NRF1: variants seen among roughly 807,000 people sequenced by gnomAD.
NRF1 encodes the protein nuclear respiratory factor 1.
A neutral mutation model predicts 58.5 loss-of-function variants in NRF1; 5 were observed. The observed-to-expected ratio is 0.09, with a 90% CI of 0.04 to 0.18. The LOEUF is 0.18. Ranked by LOEUF, NRF1 falls within the 10% of genes least tolerant of loss-of-function variation. The pLI, the probability that NRF1 is intolerant of heterozygous loss-of-function variation, is 1.00. For synonymous variants in NRF1, 224 were observed against 246.7 expected (o/e 0.91, Z 0.86); for missense variants, 288 against 657.7 (o/e 0.44, Z 6.15).
chr7:129,627,117 C>T (rs1014342493), intron 1 of NRF1, among the ~76,000 whole-genome samples: 1 of 152,222 alleles, frequency 6.6e-6, no homozygotes, highest in African/African-American at 2.4e-5. Flanking sequence ...TATTCTTCCA[C>T]GTAGGCTAAG....
intron 10 of NRF1, among the ~76,000 whole-genome samples, chr7:129,737,774 T>C (rs1803752191): frequency 6.6e-6 from 1 of 152,250 alleles, no homozygotes; most frequent in South Asian, 2.1e-4. Flanking sequence ...TATTAAATAG[T>C]CTTAGTGTAA....
chr7:129,728,468 C>CAAA lies in NRF1; in HGVS notation c.1348+1127_1348+1129dup, dbSNP rs60777041. ...TGGGTGACAGAATGAGACTCCGTCT[C>CAAA]AAAAAAAAAAAAAAAAAAAAAAAAA... is the stretch of plus-strand genomic sequence containing the variant. On this transcript the variant is annotated intron_variant, in intron 10 of 10. Transcript: ENST00000393232. Among the ~76,000 whole-genome samples the CAAA allele has an allele frequency of 5.3e-4, 51 of 96,404 alleles. 1 individual carries two copies. Among genetic ancestry groups the CAAA allele is most frequent in the African/African-American group, 1.1e-3 (28 of 25,380 alleles). 63.2% of individuals were successfully genotyped at this position (96,404 alleles called of 152,430 possible).
chr7:129,704,969 C>A (rs944699420), intron 5 of NRF1, among the ~76,000 whole-genome samples: 6 of 151,910 alleles, frequency 3.9e-5, no homozygotes, highest in Admixed American at 3.9e-4. Flanking sequence ...CTTAAAGCAT[C>A]TACTTTTTTA....
intron 10 of NRF1, among the ~76,000 whole-genome samples, chr7:129,752,133 G>GCAGA (rs1337628978): frequency 6.6e-6 from 1 of 152,230 alleles, no homozygotes; most frequent in African/African-American, 2.4e-5. Context: ...AAGGCCTGTT[G>GCAGA]CAGACATGCA....
At chr7:129,694,870 T>C (rs917878147) in intron 5 of NRF1, among the ~76,000 whole-genome samples, 1 of 152,198 alleles carries the variant, frequency 6.6e-6, no homozygotes, top group Non-Finnish European at 1.5e-5. Context: ...GTGTGTATCA[T>C]GCCCTCCAGT....
intron 1 of NRF1, among the ~76,000 whole-genome samples, chr7:129,626,048 G>C (rs1160840312): frequency 6.6e-6 from 1 of 151,996 alleles, no homozygotes; most frequent in Non-Finnish European, 1.5e-5. Context: ...TCAAACACCT[G>C]GCTTCAAGTG....
At chr7:129,671,843 C>G in intron 3 of NRF1, among the ~76,000 whole-genome samples, 1 of 151,944 alleles carries the variant, frequency 6.6e-6, no homozygotes, top group Non-Finnish European at 1.5e-5. Context: ...GAGCTTGTAT[C>G]CTGCTAGAGG....
rs1168099046 is a variant in NRF1 at position 129,741,881 on chromosome 7, C to T, written c.1349-13137C>T. ...TAAAGAGCAAATGTGCAGAACCCAA[C>T]AGCAGCAGCAGCCTGGCAGAAGCAG... On this transcript the variant is annotated intron_variant, in intron 10 of 10. Coordinates refer to ENST00000393232, the MANE Select transcript of NRF1 (RefSeq NM_005011.5). The surrounding 1 kb of genome is among the most constrained non-coding windows in gnomAD (Gnocchi z 4.0). Among the ~76,000 whole-genome samples the T allele has an allele frequency of 6.6e-6, 1 of 152,204 alleles. No homozygotes were observed. The highest frequency in any genetic ancestry group is 1.5e-5 in the Non-Finnish European group (1 of 68,040).
intron 10 of NRF1, among the ~76,000 whole-genome samples, chr7:129,736,954 TAG>T (rs1803729326): frequency 6.6e-6 from 1 of 152,184 alleles, no homozygotes; most frequent in Non-Finnish European, 1.5e-5. Context: ...CTGTAAAAAT[TAG>T]GATAATGATA....
At chr7:129,686,758 G>T (rs1343166997) in intron 4 of NRF1, among the ~76,000 whole-genome samples, 1 of 152,206 alleles carries the variant, frequency 6.6e-6, no homozygotes, top group Non-Finnish European at 1.5e-5. Context: ...TGATTTAAGT[G>T]GTTGTTTACC....
intron 5 of NRF1, among the ~76,000 whole-genome samples, chr7:129,698,509 AG>A (rs1802749730): frequency 6.6e-6 from 1 of 152,182 alleles, no homozygotes; most frequent in Non-Finnish European, 1.5e-5. Flanking sequence ...GCTTAGCAAA[AG>A]GGATCCTTAG....
chr7:129,715,327 CT>C (rs1260886924), intron 8 of NRF1, among the ~76,000 whole-genome samples: 1 of 152,140 alleles, frequency 6.6e-6, no homozygotes, highest in Non-Finnish European at 1.5e-5. Flanking sequence ...CCAAGGATAC[CT>C]GGGCCAAAAT....
intron 6 of NRF1, 28 bp downstream of exon 6, chr7:129,709,261 G>A (rs11769146): frequency 0.37 from 519,160 of 1,402,130 alleles, 102,469 homozygotes; most frequent in Non-Finnish European, 0.41. Flanking sequence ...TGAGTTGCCT[G>A]GTTGCTTTTC....
intron 2 of NRF1, among the ~76,000 whole-genome samples, chr7:129,660,003 G>A (rs758387193): frequency 5.3e-5 from 8 of 152,166 alleles, no homozygotes; most frequent in Non-Finnish European, 8.8e-5. Context: ...GTTCCACCTG[G>A]CTAGGGAGGC....
chr7:129,638,587 T>C (rs1213761890), intron 1 of NRF1, among the ~76,000 whole-genome samples: 1 of 152,244 alleles, frequency 6.6e-6, no homozygotes, highest in Non-Finnish European at 1.5e-5. Context: ...GAAAGTGGTA[T>C]TGAGAAAAAT....
chr7:129,687,898 A>T (rs1025552890), intron 4 of NRF1, among the ~76,000 whole-genome samples: 2 of 152,194 alleles, frequency 1.3e-5, no homozygotes, highest in Admixed American at 1.3e-4. Context: ...CTTAGATAGA[A>T]ATGCTTTGGT....
At chr7:129,694,215 G>T (rs1802634353) in intron 5 of NRF1, among the ~76,000 whole-genome samples, 1 of 152,148 alleles carries the variant, frequency 6.6e-6, no homozygotes, top group African/African-American at 2.4e-5. Flanking sequence ...GGAGGAAGAG[G>T]GAGCAGGATG....
chr7:129,619,490 G>GTGTGTGTATATA (rs1422472177), intron 1 of NRF1, among the ~76,000 whole-genome samples: 9 of 48,616 alleles, frequency 1.9e-4, no homozygotes, highest in African/African-American at 8.0e-4. Context: ...GTGTGTGTGT[G>GTGTGTGTATATA]TATATATATA....
chr7:129,716,643 G>C (rs993016523), intron 8 of NRF1, among the ~76,000 whole-genome samples: 3 of 152,146 alleles, frequency 2.0e-5, no homozygotes, highest in Non-Finnish European at 2.9e-5. Flanking sequence ...GACTGAGGCA[G>C]GTGGATTACC....
Sources: allele counts gnomAD v4.1 joint callset (sites outside exome capture counted in the v4.1 genomes callset), GRCh38; gene constraint gnomAD v4.1.1; non-coding constraint Gnocchi (gnomAD v3.1); transcripts MANE v1.5; gene names NCBI Gene and HGNC (gene_info 2026-07-23, HGNC 2026-07-21).